Variants in TRPC6 observed in about 807,000 individuals in gnomAD.
TRPC6 encodes the protein transient receptor potential cation channel subfamily C member 6.
Under a neutral mutation model 90.7 loss-of-function variants are expected in TRPC6, and 55 were observed. The observed-to-expected ratio is 0.61, with a 90% confidence interval of 0.49 to 0.76. TRPC6 has a LOEUF of 0.76. TRPC6 is among the 30% of genes least tolerant of loss of function. The probability of loss-of-function intolerance (pLI) is 0.00; values close to 1 mark genes in which losing one functional copy is unlikely to be tolerated. For missense variants in TRPC6, 989 were observed against 1,122.7 expected (o/e 0.88, Z 1.70); for synonymous variants, 393 against 393.0 (o/e 1.00, Z 0.00).
intron 1 of TRPC6, among the ~76,000 whole-genome samples, chr11:101,565,892 T>C (rs1434633785): frequency 6.6e-6 from 1 of 152,172 alleles, no homozygotes; most frequent in East Asian, 1.9e-4. Context: ...TAACGAGATG[T>C]GAAAACCACT....
At chr11:101,541,532 T>TG (rs112063080) in intron 1 of TRPC6, among the ~76,000 whole-genome samples, 42,364 of 151,656 alleles carry the variant, frequency 0.28, 6,428 homozygotes, top group Non-Finnish European at 0.34. Flanking sequence ...CGGGTAATTT[T>TG]TTGTATTTTT....
intron 1 of TRPC6, among the ~76,000 whole-genome samples, chr11:101,571,657 G>A (rs7951517): frequency 0.38 from 57,407 of 151,950 alleles, 11,519 homozygotes; most frequent in Non-Finnish European, 0.46. Context: ...GCATGGTACT[G>A]GTACCAAAAC....
At chr11:101,496,294 T>C (rs1194336022) in intron 2 of TRPC6, among the ~76,000 whole-genome samples, 1 of 152,156 alleles carries the variant, frequency 6.6e-6, no homozygotes, top group Non-Finnish European at 1.5e-5. Context: ...TATTATACTA[T>C]GATATATACA....
rs1310384134 is a variant in TRPC6 at position 101,546,158 on chromosome 11, G to A, written c.170+37176C>T. On this transcript the variant is annotated intron_variant, in intron 1 of 12. Transcript: ENST00000344327. Reference sequence around the variant, plus strand: ...GCAATCTCGGCTCACTGCAAGCTCCGCTTCCCGGGTTCACGCCATTCTCCT... The same window carrying A: ...GCAATCTCGGCTCACTGCAAGCTCCACTTCCCGGGTTCACGCCATTCTCCT... Among the ~76,000 whole-genome samples, 7 of 63,348 alleles carry A rather than the reference G, an allele frequency of 1.1e-4. 1 individual carries two copies. The highest frequency in any genetic ancestry group is 4.5e-4 in the Admixed American group (2 of 4,490). 41.6% of individuals were successfully genotyped at this position (63,348 alleles called of 152,430 possible).
chr11:101,503,436 C>A (rs1860177870), intron 2 of TRPC6, among the ~76,000 whole-genome samples: 1 of 152,196 alleles, frequency 6.6e-6, no homozygotes, highest in Non-Finnish European at 1.5e-5. Context: ...TACTTCCCTG[C>A]AGCCTAACAG....
chr11:101,518,318 T>C (rs935092184), intron 1 of TRPC6, among the ~76,000 whole-genome samples: 2 of 152,000 alleles, frequency 1.3e-5, no homozygotes, highest in South Asian at 4.1e-4. Context: ...ATAACCAGAA[T>C]ATATAAAGTG....
intron 1 of TRPC6, among the ~76,000 whole-genome samples, chr11:101,581,543 G>A (rs1862196742): frequency 6.6e-6 from 1 of 152,140 alleles, no homozygotes; most frequent in Non-Finnish European, 1.5e-5. Context: ...TTAAAAAGCC[G>A]TATAAATTTT....
At chr11:101,513,249 TG>T (rs1401271592) in intron 1 of TRPC6, among the ~76,000 whole-genome samples, 1 of 152,204 alleles carries the variant, frequency 6.6e-6, no homozygotes, top group African/African-American at 2.4e-5. Context: ...AGACTAGTGC[TG>T]GGGGACAAAG....
chr11:101,455,046 C>G lies in TRPC6; in HGVS notation c.2540G>C (p.Ser847Thr). 1 of 1,612,424 alleles carries G rather than the reference C, an allele frequency of 6.2e-7. No homozygotes were observed. Among genetic ancestry groups the G allele is most frequent in the Non-Finnish European group, 8.5e-7 (1 of 1,179,006 alleles). ...IRSSEDFHLN[S>T]FNNPPRQYQK... ...ATATTGTCTTGGAGGATTATTGAAA[C>G]TATTTAGATGGAAATCTTCTGAGCT... The change falls in exon 11 of 13, where the codon AGT becomes ACT. Residue 847 changes from serine (S) to threonine (T), a missense_variant. Ser to Thr is a moderately conservative substitution (Grantham distance 58, BLOSUM62 1). Around this residue, in one of 4 missense-constraint regions of TRPC6, gnomAD observed 191 missense variants for 196.7 expected, o/e 0.97. Transcript: ENST00000344327.
intron 10 of TRPC6, among the ~76,000 whole-genome samples, chr11:101,459,400 C>T (rs896768949): frequency 1.3e-5 from 2 of 152,166 alleles, no homozygotes; most frequent in Non-Finnish European, 2.9e-5. Context: ...ACACAAAAGG[C>T]TCTCTAGATT....
intron 8 of TRPC6, 121 bp from the exon 9 acceptor site, chr11:101,471,507 C>A (rs1377627784): frequency 9.6e-7 from 1 of 1,041,844 alleles, no homozygotes; most frequent in African/African-American, 1.6e-5. Flanking sequence ...CCCCAGTGAT[C>A]GTTCCAAGAT....
chr11:101,547,643 A>G (rs1861338717), intron 1 of TRPC6, among the ~76,000 whole-genome samples: 1 of 152,296 alleles, frequency 6.6e-6, no homozygotes. Flanking sequence ...AGAAAGCAAT[A>G]AGTTATCAGA....
chr11:101,541,635 T>A (rs1861176606), intron 1 of TRPC6, among the ~76,000 whole-genome samples: 1 of 152,188 alleles, frequency 6.6e-6, no homozygotes, highest in South Asian at 2.1e-4. Context: ...GGTAAGGGAA[T>A]TCTCCATGGG....
At chr11:101,477,415 T>C (rs1859442108) in intron 5 of TRPC6, among the ~76,000 whole-genome samples, 1 of 152,150 alleles carries the variant, frequency 6.6e-6, no homozygotes, top group Non-Finnish European at 1.5e-5. Context: ...AATCTTTATA[T>C]TGTAATGCTA....
At chr11:101,535,175 AAAGGAAGGAAGGAAGGAAGGAAGGAAGG>A (rs199866910) in intron 1 of TRPC6, among the ~76,000 whole-genome samples, 1,762 of 129,604 alleles carry the variant, frequency 0.014, 40 homozygotes, top group African/African-American at 0.035. Context: ...GAAAGAAAAG[AAAGGAAGGAAGGAAGGAAGGAAGGAAGG>A]AAGGAAGGAA....
chr11:101,526,227 A>C (rs1335366396), intron 1 of TRPC6, among the ~76,000 whole-genome samples: 1 of 152,134 alleles, frequency 6.6e-6, no homozygotes, highest in Non-Finnish European at 1.5e-5. Context: ...AGACCCCTCT[A>C]ATGAATGGAA....
chr11:101,508,202 ATGTT>A (rs986540388), intron 1 of TRPC6, among the ~76,000 whole-genome samples: 4 of 151,940 alleles, frequency 2.6e-5, no homozygotes, highest in African/African-American at 9.7e-5. Flanking sequence ...TTGCTTTTTT[ATGTT>A]TGTTTGCTTT....
At chr11:101,568,284 G>A (rs932535396) in intron 1 of TRPC6, among the ~76,000 whole-genome samples, 2 of 151,996 alleles carry the variant, frequency 1.3e-5, no homozygotes, top group Admixed American at 6.6e-5. Flanking sequence ...AGATCAACTC[G>A]AAATAAAGCA....
At chr11:101,506,711 A>T (rs1044123996) in intron 1 of TRPC6, among the ~76,000 whole-genome samples, 16 of 152,096 alleles carry the variant, frequency 1.1e-4, no homozygotes, top group Non-Finnish European at 2.9e-5. Flanking sequence ...ATACATATGC[A>T]ACTTTTATTA....
Sources: gnomAD v4.1 joint callset for allele counts (sites outside exome capture counted in the v4.1 genomes callset) on GRCh38, gnomAD v4.1.1 for gene constraint, gnomAD v4.1.1 regional missense constraint, MANE v1.5 for transcripts, NCBI Gene and HGNC (gene_info 2026-07-23, HGNC 2026-07-21) for gene names.